MKNK1: variants seen among roughly 807,000 people sequenced by gnomAD.
MKNK1 encodes MAPK interacting serine/threonine kinase 1.
Under a neutral mutation model 49.3 loss-of-function variants are expected in MKNK1, and 30 were observed. That is an observed-to-expected ratio of 0.61 (90% CI 0.46 to 0.83). MKNK1 has a LOEUF of 0.83. MKNK1 is among the 40% of genes least tolerant of loss of function. The pLI is 0.00. For synonymous variants in MKNK1, 176 were observed against 201.7 expected, an observed-to-expected ratio of 0.87 and a Z score of 1.08; for missense variants, 423 against 524.7, an observed-to-expected ratio of 0.81 and a Z score of 1.89.
intron 1 of MKNK1, among the ~76,000 whole-genome samples, chr1:46,600,676 G>A (rs942664562): frequency 1.3e-5 from 2 of 152,218 alleles, no homozygotes; most frequent in Non-Finnish European, 2.9e-5. Flanking sequence ...CTGGGTAGGA[G>A]GTGACTGCCA....
chr1:46,564,739 T>C (rs1018668424), intron 9 of MKNK1, among the ~76,000 whole-genome samples: 1 of 152,030 alleles, frequency 6.6e-6, no homozygotes, highest in African/African-American at 2.4e-5. Context: ...CCTCCTAAAG[T>C]GCTAGGATTA....
rs540025446 is a variant in MKNK1, at chr1:46,587,416, A to G, written c.-2-4087T>C. Among the ~76,000 whole-genome samples, 4 of 152,348 alleles carry G rather than the reference A, an allele frequency of 2.6e-5. No individual in the cohort carries two copies. In the South Asian group the frequency reaches 8.3e-4, roughly 32 times the overall value. On this transcript the variant is annotated intron_variant, in intron 2 of 12. Transcript: ENST00000371945. ...AGGCAGAAGCCCTGGTTCAGATATT[A>G]TAACAGAACCAAGGCCAAGTTACTG...
chr1:46,569,865 T>G (rs1441406284), intron 7 of MKNK1: 5 of 152,106 alleles, frequency 3.3e-5, no homozygotes, highest in Non-Finnish European at 7.3e-5. Flanking sequence ...ACTCTCCAAA[T>G]AGGCGCCCAT....
intron 11 of MKNK1, among the ~76,000 whole-genome samples, 156 bp downstream of exon 11, chr1:46,561,322 G>T (rs990630322): frequency 2.0e-5 from 3 of 152,212 alleles, no homozygotes; most frequent in Admixed American, 6.5e-5. Context: ...GTAACAGGAG[G>T]AGTCGATTCA....
At chr1:46,564,918 C>CA (rs1326721586) in intron 9 of MKNK1, 123 bp downstream of exon 9, 7 of 925,926 alleles carry the variant, frequency 7.6e-6, no homozygotes, top group Non-Finnish European at 1.2e-5. Flanking sequence ...GCAAAATGAT[C>CA]ACTCAGGCAG....
At chr1:46,586,043 G>A in intron 2 of MKNK1, 2 of 705,360 alleles carry the variant, frequency 2.8e-6, no homozygotes. Context: ...TGGTTACACA[G>A]GGGGAAGCGA....
rs543765738 is a variant in MKNK1 at position 46,589,558 on chromosome 1, C to A, written c.-3+4555G>T. Among the ~76,000 whole-genome samples the A allele has an allele frequency of 6.6e-6, 1 of 152,216 alleles. No homozygotes were observed. The highest frequency in any genetic ancestry group is 1.5e-5 in the Non-Finnish European group (1 of 68,034). ...TCCATTAAAATAGGAATGCATGTTT[C>A]GTCTCTTTGTAAAACCTGTGAGTGA... On this transcript the variant is annotated intron_variant, in intron 2 of 12. Coordinates refer to ENST00000371945, the MANE Select transcript of MKNK1 (RefSeq NM_001135553.4). This position sits in a 1 kb window ranked among gnomAD's most constrained non-coding sequence, Gnocchi z 4.3.
chr1:46,579,854 G>A (rs1271006211), intron 4 of MKNK1, among the ~76,000 whole-genome samples: 3 of 151,870 alleles, frequency 2.0e-5, no homozygotes, highest in Non-Finnish European at 4.4e-5. Context: ...CCAAAACTGA[G>A]TGCTCAGTCG....
chr1:46,588,661 G>T (rs576775774), intron 2 of MKNK1, among the ~76,000 whole-genome samples: 42 of 152,248 alleles, frequency 2.8e-4, no homozygotes, highest in African/African-American at 9.1e-4. Flanking sequence ...CAAAAAATTA[G>T]CCGGGCGAGG....
intron 8 of MKNK1, among the ~76,000 whole-genome samples, chr1:46,567,793 T>C (rs918745743): frequency 8.5e-5 from 13 of 152,290 alleles, no homozygotes; most frequent in Admixed American, 2.0e-4. Flanking sequence ...ATTCATACAC[T>C]TCCGTTTACT....
At chr1:46,592,596 G>A (rs960708634) in intron 2 of MKNK1, among the ~76,000 whole-genome samples, 1 of 152,184 alleles carries the variant, frequency 6.6e-6, no homozygotes, top group African/African-American at 2.4e-5. Flanking sequence ...GGAACAGCCC[G>A]GGGCAGGGTG....
At chr1:46,565,187 A>G in intron 8 of MKNK1, 51 bp from the exon 9 acceptor site, 1 of 1,551,836 alleles carries the variant, frequency 6.4e-7, no homozygotes. Context: ...ACTACGGGGC[A>G]AGAGGAGCCA....
intron 1 of MKNK1, among the ~76,000 whole-genome samples, chr1:46,597,908 G>A (rs1487588163): frequency 6.6e-6 from 1 of 152,148 alleles, no homozygotes; most frequent in Admixed American, 6.5e-5. Context: ...AAGAAAAGAG[G>A]CATGACCAAT....
chr1:46,603,467 C>T lies in MKNK1; in HGVS notation c.-171+718G>A, dbSNP rs184766025. ...CACCCATTACATGACAGGCGCCATA[C>T]TAGGTGACTTCCATATAATCCTATT... On this transcript the variant is annotated intron_variant, in intron 1 of 12. Transcript: ENST00000371945. Among the ~76,000 whole-genome samples the T allele has an allele frequency of 2.0e-5, 3 of 152,320 alleles. No homozygotes were observed. In the East Asian group the frequency reaches 5.8e-4, roughly 29 times the overall value.
chr1:46,588,616 G>A (rs902398790), intron 2 of MKNK1, among the ~76,000 whole-genome samples: 1 of 152,064 alleles, frequency 6.6e-6, no homozygotes, highest in Non-Finnish European at 1.5e-5. Context: ...GACCATCTTG[G>A]CTAACACGGT....
intron 2 of MKNK1, among the ~76,000 whole-genome samples, chr1:46,588,795 G>A (rs1260956560): frequency 4.1e-5 from 6 of 145,544 alleles, no homozygotes; most frequent in African/African-American, 1.6e-4. Flanking sequence ...GCGACAGAGC[G>A]AGACTCCGTC....
At chr1:46,592,754 C>T (rs1331902809) in intron 2 of MKNK1, among the ~76,000 whole-genome samples, 1 of 152,184 alleles carries the variant, frequency 6.6e-6, no homozygotes, top group Non-Finnish European at 1.5e-5. Flanking sequence ...AAGACCACAG[C>T]CCTCCTTGAA....
chr1:46,565,471 T>C, intron 8 of MKNK1: 1 of 337,548 alleles, frequency 3.0e-6, no homozygotes, highest in African/African-American at 2.1e-5. Context: ...TACTGTGTAC[T>C]CCTGAGAGAC....
At chr1:46,565,268 C>T in intron 8 of MKNK1, 132 bp from the exon 9 acceptor site, 1 of 767,856 alleles carries the variant, frequency 1.3e-6, no homozygotes. Context: ...CATGTTTGCT[C>T]TCCGGAGGTT....
Sources: gnomAD v4.1 joint callset for allele counts (sites outside exome capture counted in the v4.1 genomes callset) on GRCh38, gnomAD v4.1.1 for gene constraint, Gnocchi (gnomAD v3.1) non-coding constraint, MANE v1.5 for transcripts, NCBI Gene and HGNC (gene_info 2026-07-23, HGNC 2026-07-21) for gene names.